The following GLIS3 variants were observed in gnomAD, a reference collection of about 807,000 sequenced individuals.
GLIS3 encodes zinc finger protein GLIS3.
Under a neutral mutation model 78.6 loss-of-function variants are expected in GLIS3, and 53 were observed. That is an observed-to-expected ratio of 0.67 (90% CI 0.54 to 0.85). The LOEUF (loss-of-function observed/expected upper bound fraction) is 0.85, where lower values mean the gene tolerates loss of function less well. GLIS3 is among the 40% of genes least tolerant of loss of function. GLIS3 has a pLI of 0.00. For missense variants in GLIS3, 1,703 were observed against 1,231.1 expected, an observed-to-expected ratio of 1.38 and a Z score of -5.74; for synonymous variants, 684 against 509.9, an observed-to-expected ratio of 1.34 and a Z score of -4.60.
chr9:4,259,103 C>T (rs185344217), intron 2 of GLIS3, among the ~76,000 whole-genome samples: 4 of 152,228 alleles, frequency 2.6e-5, no homozygotes, highest in African/African-American at 9.6e-5. Context: ...TTAATGAAGA[C>T]CTCACCACTT....
At chr9:4,112,400 C>G (rs1438341967) in intron 4 of GLIS3, among the ~76,000 whole-genome samples, 3 of 152,166 alleles carry the variant, frequency 2.0e-5, no homozygotes, top group African/African-American at 7.2e-5. Context: ...CACTACATCC[C>G]TGCATCTTAA....
chr9:4,277,856 G>A (rs537806491), intron 2 of GLIS3, among the ~76,000 whole-genome samples: 1 of 152,180 alleles, frequency 6.6e-6, no homozygotes, highest in Admixed American at 6.5e-5. Context: ...ATTACAATGA[G>A]TAACTGTTGG....
At position 3,855,163 on chromosome 9, in the gene GLIS3, A is replaced by C. The variant is rs78271649; in HGVS notation, c.2473+846T>G. The stretch of plus-strand genomic sequence containing the variant: ...GACTTGGCAATTCAACTTTCTATGG[A>C]TGCTCACTAAGATACGTGCCTGAAA... On this transcript the variant is annotated intron_variant, in intron 9 of 10. Transcript: ENST00000381971. Among the ~76,000 whole-genome samples, 602 of 152,338 alleles carry C rather than the reference A, an allele frequency of 4.0e-3. 5 individuals are homozygous for C. The highest frequency in any genetic ancestry group is 0.014 in the African/African-American group (578 of 41,568).
At chr9:4,400,018 G>C in the GLIS3 span, among the ~76,000 whole-genome samples, 1 of 152,274 alleles carries the variant, frequency 6.6e-6, no homozygotes, top group East Asian at 1.9e-4. Context: ...AATGGGATGA[G>C]ACAAGGCCAC....
the GLIS3 span, among the ~76,000 whole-genome samples, chr9:4,480,704 A>C: frequency 6.7e-3 from 1,022 of 152,288 alleles, 12 homozygotes; most frequent in African/African-American, 0.024. Flanking sequence ...GGAAGGCAAA[A>C]AGAAAAAAAA....
chr9:4,383,152 G>A, the GLIS3 span, among the ~76,000 whole-genome samples: 2 of 152,224 alleles, frequency 1.3e-5, no homozygotes, highest in African/African-American at 4.8e-5. Context: ...GAAACGAGTA[G>A]AAGTAGGCCT....
At chr9:4,160,495 A>G (rs549986850) in intron 2 of GLIS3, among the ~76,000 whole-genome samples, 1 of 152,328 alleles carries the variant, frequency 6.6e-6, no homozygotes, top group African/African-American at 2.4e-5. Flanking sequence ...CATATTAAAA[A>G]CAAAGCAAAG....
At chr9:3,971,234 T>C (rs561151068) in intron 4 of GLIS3, among the ~76,000 whole-genome samples, 6 of 151,810 alleles carry the variant, frequency 4.0e-5, no homozygotes, top group African/African-American at 1.5e-4. Context: ...TTGGAGCTCA[T>C]TTTAGACCTC....
upstream of GLIS3, among the ~76,000 whole-genome samples, chr9:4,303,268 GACACAC>G (rs5896061): frequency 3.4e-5 from 5 of 144,984 alleles, no homozygotes; most frequent in Non-Finnish European, 7.4e-5. Flanking sequence ...TTAAAACACA[GACACAC>G]ACACACACAC....
intron 4 of GLIS3, among the ~76,000 whole-genome samples, chr9:4,007,905 G>T (rs1313245367): frequency 2.0e-5 from 3 of 149,608 alleles, no homozygotes; most frequent in African/African-American, 4.9e-5. Flanking sequence ...GTTGGGGGGG[G>T]GGGGTTACTC....
the GLIS3 span, among the ~76,000 whole-genome samples, chr9:4,370,163 G>A: frequency 2.2e-4 from 25 of 114,792 alleles, no homozygotes; most frequent in East Asian, 4.0e-3. Flanking sequence ...CAGCCTAGGC[G>A]ACAGAGCAAG....
At chr9:3,931,168 A>T (rs1483122447) in intron 6 of GLIS3, among the ~76,000 whole-genome samples, 1 of 152,178 alleles carries the variant, frequency 6.6e-6, no homozygotes, top group Non-Finnish European at 1.5e-5. Flanking sequence ...TTTGTATGCA[A>T]TTAAGACTAT....
intron 2 of GLIS3, among the ~76,000 whole-genome samples, chr9:4,240,768 C>G (rs1282898401): frequency 6.6e-6 from 1 of 152,246 alleles, no homozygotes; most frequent in Non-Finnish European, 1.5e-5. Flanking sequence ...GGCTTAATAG[C>G]TGGGTGATGA....
intron 3 of GLIS3, among the ~76,000 whole-genome samples, chr9:4,119,801 A>G (rs1329056085): frequency 3.9e-5 from 6 of 152,234 alleles, no homozygotes; most frequent in African/African-American, 1.4e-4. Flanking sequence ...ATGGTTCATA[A>G]TGTAGCTCTG....
At chr9:4,054,581 A>T (rs1825986965) in intron 4 of GLIS3, 1 of 653,022 alleles carries the variant, frequency 1.5e-6, no homozygotes, top group Non-Finnish European at 1.9e-6. Context: ...CCAGTCACAA[A>T]GCTGCCTCCT....
At chr9:4,127,517 G>A (rs1465713078) in intron 2 of GLIS3, among the ~76,000 whole-genome samples, 1 of 151,524 alleles carries the variant, frequency 6.6e-6, no homozygotes. Context: ...TGTATTATCC[G>A]GGCTTCATCT....
chr9:3,885,654 G>C (rs567880292), intron 7 of GLIS3, among the ~76,000 whole-genome samples: 24 of 152,258 alleles, frequency 1.6e-4, no homozygotes, highest in African/African-American at 5.8e-4. Context: ...AGCTTTCACA[G>C]GGACACTGAA....
chr9:4,264,766 T>C (rs141616792), intron 2 of GLIS3, among the ~76,000 whole-genome samples: 4 of 152,290 alleles, frequency 2.6e-5, no homozygotes, highest in African/African-American at 2.4e-5. Flanking sequence ...AATTACATCA[T>C]AGGTATTTAC....
In GLIS3 at chr9:4,254,772, G is replaced by A. The variant is rs544012352; in HGVS notation, c.388+31266C>T. On this transcript the variant is annotated intron_variant, in intron 2 of 10. Transcript: ENST00000381971. ...GGAGAATTGCTTGAGCCTGGGAAGC[G>A]GAGGTTGTAGTGAGCCAAGACCGTG... Among the ~76,000 whole-genome samples, 13 of 151,786 alleles carry A rather than the reference G, an allele frequency of 8.6e-5. No individual in the cohort carries two copies. In the South Asian group the frequency reaches 1.0e-3, roughly 12 times the overall value.
Sources: gnomAD v4.1 joint callset for allele counts (sites outside exome capture counted in the v4.1 genomes callset) on GRCh38, gnomAD v4.1.1 for gene constraint, MANE v1.5 for transcripts, NCBI Gene and HGNC (gene_info 2026-07-23, HGNC 2026-07-21) for gene names.